Variants in WDR77 observed in about 807,000 individuals in gnomAD.
WDR77 encodes WD repeat domain 77, also known as methylosome protein WDR77.
In WDR77, 31 loss-of-function variants were observed where a neutral mutation model predicts 44.0. That is an observed-to-expected ratio of 0.70 (90% CI 0.53 to 0.95). WDR77 has a LOEUF of 0.95. Ranked by LOEUF, WDR77 falls within the 40% of genes least tolerant of loss-of-function variation. The probability of loss-of-function intolerance (pLI) is 0.00; values close to 1 mark genes in which losing one functional copy is unlikely to be tolerated. For synonymous variants in WDR77, 186 were observed against 165.7 expected (o/e 1.12, Z -0.94); for missense variants, 390 against 423.9 (o/e 0.92, Z 0.70).
In WDR77 at chr1:111,449,216, G is replaced by A. The variant is rs2101751319; in HGVS notation, c.-47C>T. ...CTAGACTCAAACTGGACGCCGGCCGGAGACTCCGCTCCGGCAGCAAACCCC... is the reference window on the plus strand; with the variant it reads ...CTAGACTCAAACTGGACGCCGGCCGAAGACTCCGCTCCGGCAGCAAACCCC... On this transcript the variant is annotated 5_prime_UTR_variant, in exon 1 of 10. Transcript: ENST00000235090. The A allele has an allele frequency of 6.5e-7, 1 of 1,538,054 alleles. No homozygotes were observed. The highest frequency in any genetic ancestry group is 1.4e-5 in the African/African-American group (1 of 73,308).
At position 111,449,119 on chromosome 1, in the gene WDR77, C is replaced by T; in HGVS notation, c.51G>A (p.Trp17Ter). The T allele has an allele frequency of 6.2e-7, 1 of 1,603,174 alleles. No homozygotes were observed. The highest frequency in any genetic ancestry group is 1.3e-5 in the African/African-American group (1 of 74,916). ...PPLVPPAARE[W>*]NLPPNAPACM... ...AGGCGGGCGCATTTGGGGGAAGATTCCACTCCCGGGCCGCCGGGGGCACTA... is the reference window on the plus strand; with the variant it reads ...AGGCGGGCGCATTTGGGGGAAGATTTCACTCCCGGGCCGCCGGGGGCACTA... The change falls in exon 1 of 10, where the codon TGG becomes TGA. Residue 17 changes from tryptophan (W) to a stop codon, truncating the protein, a stop_gained. Coordinates refer to ENST00000235090, the MANE Select transcript of WDR77 (RefSeq NM_024102.4). LOFTEE classifies it high-confidence loss of function.
chr1:111,443,825 G>C, intron 6 of WDR77, 42 bp downstream of exon 6: 1 of 1,613,426 alleles, frequency 6.2e-7, no homozygotes, highest in South Asian at 1.1e-5. Flanking sequence ...CTTCTATCAG[G>C]GTTCCAAGTA....
At chr1:111,441,538 G>GT (rs1408527732) in intron 9 of WDR77, 149 bp from the exon 10 acceptor site, 1 of 1,316,912 alleles carries the variant, frequency 7.6e-7, no homozygotes, top group Non-Finnish European at 9.7e-7. Flanking sequence ...GGATAGCAGT[G>GT]TAGCTATCCA....
Position 111,441,318 on chromosome 1 carries a change from G to GT in WDR77, c.940dup (p.Thr314AsnfsTer29). The GT allele has an allele frequency of 6.3e-7, 1 of 1,587,244 alleles. No individual in the cohort carries two copies. The highest frequency in any genetic ancestry group is 8.6e-7 in the Non-Finnish European group (1 of 1,164,590). ...GACCTGATGGTCCCAGCCCACTGTGGTAAGCAGGGAGTGATTGAGCGGGGA... is the reference window on the plus strand; with the variant it reads ...GACCTGATGGTCCCAGCCCACTGTGGTTAAGCAGGGAGTGATTGAGCGGGGA... On this transcript the variant is annotated frameshift_variant, in exon 10 of 10. Coordinates refer to ENST00000235090, the MANE Select transcript of WDR77 (RefSeq NM_024102.4). LOFTEE classifies it high-confidence loss of function.
At chr1:111,448,517 G>T in intron 2 of WDR77, 102 bp downstream of exon 2, 1 of 1,411,174 alleles carries the variant, frequency 7.1e-7, no homozygotes, top group Admixed American at 1.8e-5. Context: ...TCCAAGCACT[G>T]AGTATAGGAC....
intron 4 of WDR77, 58 bp downstream of exon 4, chr1:111,447,037 T>C (rs1653067088): frequency 6.3e-7 from 1 of 1,591,918 alleles, no homozygotes; most frequent in Non-Finnish European, 8.6e-7. Flanking sequence ...AAAGCAAAGT[T>C]CAAAAAGTCC....
rs1219721766 is a variant in WDR77, at chr1:111,449,252, C to T, written c.-83G>A. 1.3e-6 allele frequency: 2 copies of T among 1,536,322 alleles called. No homozygotes were observed. Among genetic ancestry groups the T allele is most frequent in the Non-Finnish European group, 1.7e-6 (2 of 1,146,994 alleles). Reference sequence around the variant, plus strand: ...CCGGCAGCAAACCCCACGTGGTGCACCTCTGAGCCTCCGCCCCTCTCCCGA... The same window carrying T: ...CCGGCAGCAAACCCCACGTGGTGCATCTCTGAGCCTCCGCCCCTCTCCCGA... On this transcript the variant is annotated 5_prime_UTR_variant, in exon 1 of 10. The change creates a new upstream start codon in the 5' untranslated region. Coordinates refer to ENST00000235090, the MANE Select transcript of WDR77 (RefSeq NM_024102.4).
intron 6 of WDR77, 164 bp from the exon 7 acceptor site, chr1:111,443,558 A>G: frequency 1.2e-6 from 1 of 839,338 alleles, no homozygotes; most frequent in Non-Finnish European, 1.4e-6. Flanking sequence ...TTATCCCAGC[A>G]GCCTCCTGCC....
At position 111,449,186 on chromosome 1, in the gene WDR77, C is replaced by A; in HGVS notation, c.-17G>T. The A allele has an allele frequency of 1.9e-6, 3 of 1,561,252 alleles. No homozygotes were observed. The highest frequency in any genetic ancestry group is 1.7e-6 in the Non-Finnish European group (2 of 1,159,956). On this transcript the variant is annotated 5_prime_UTR_variant, in exon 1 of 10. Transcript: ENST00000235090. ...CTTCCGCATCTCCACGGTTCCAACT[C>A]CAACCTAGACTCAAACTGGACGCCG...
rs989537811 is a variant in WDR77, at chr1:111,444,059, T to G, written c.559A>C (p.Ser187Arg). 1 of 1,614,004 alleles carries G rather than the reference T, an allele frequency of 6.2e-7. No homozygotes were observed. Among genetic ancestry groups the G allele is most frequent in the Admixed American group, 1.7e-5 (1 of 59,990 alleles). ...PHKDSVFLSC[S>R]EDNRILLWDT... ...AAGAAGGAGCTATCTCTTACCTCGC[T>G]GCATGAAAGAAACACAGAGTCCTTG... The change falls in exon 5 of 10, where the codon AGC (serine) becomes CGC (arginine). Residue 187 changes from serine to arginine, a missense_variant. Coordinates refer to ENST00000235090, the MANE Select transcript of WDR77 (RefSeq NM_024102.4).
rs1557790644 is a variant in WDR77, at chr1:111,440,374, T to C, written c.*856A>G. ...AAGTCTATAAATACTGCATTCAGAC[T>C]TTCCACATCAAGAGAAAGGGGACCA... On this transcript the variant is annotated 3_prime_UTR_variant, in exon 10 of 10. Transcript: ENST00000235090. 6.6e-6 allele frequency: 1 copy of C among 152,226 alleles called. No individual in the cohort carries two copies. Among genetic ancestry groups the C allele is most frequent in the African/African-American group, 2.4e-5 (1 of 41,462 alleles). The allele number at this position is 152,226 out of a possible 1,614,324, so 9.4% of individuals were successfully genotyped here. A position where few individuals can be genotyped will look rare whatever the true frequency, so the allele number is the denominator to read the frequency against.
intron 4 of WDR77, among the ~76,000 whole-genome samples, chr1:111,444,514 T>C (rs1369493879): frequency 6.6e-6 from 1 of 152,148 alleles, no homozygotes; most frequent in Non-Finnish European, 1.5e-5. Flanking sequence ...GCGCTAATAG[T>C]ATTAAGAGAG....
In WDR77 at chr1:111,446,890, T is replaced by G. The variant is rs1239777123; in HGVS notation, c.493+205A>C. 6 of 579,218 alleles carry G rather than the reference T, an allele frequency of 1.0e-5. No homozygotes were observed. In the East Asian group the frequency reaches 1.7e-4, roughly 17 times the overall value. The allele number at this position is 579,218 out of a possible 1,614,324, so 35.9% of individuals were successfully genotyped here. On this transcript the variant is annotated intron_variant, in intron 4 of 9. Coordinates refer to ENST00000235090, the MANE Select transcript of WDR77 (RefSeq NM_024102.4). ...CTATTCTTTCCTCCCTTTTCACTAC[T>G]GCACTTGACTAGTCGAATTAAAAAA...
In WDR77 at chr1:111,440,913, T is replaced by G; in HGVS notation, c.*317A>C. The G allele has an allele frequency of 1.1e-5, 2 of 182,112 alleles. No individual in the cohort carries two copies. Among genetic ancestry groups the G allele is most frequent in the African/African-American group, 2.3e-5 (1 of 42,592 alleles). The allele number at this position is 182,112 out of a possible 1,614,324, so 11.3% of individuals were successfully genotyped here. Reference sequence around the variant, plus strand: ...TACATAAAACCCTTTCGTCAACTTGTTTTGGGGGGTGAGAGAGAGGCAGTG... The same window carrying G: ...TACATAAAACCCTTTCGTCAACTTGGTTTGGGGGGTGAGAGAGAGGCAGTG... On this transcript the variant is annotated 3_prime_UTR_variant, in exon 10 of 10. Coordinates refer to ENST00000235090, the MANE Select transcript of WDR77 (RefSeq NM_024102.4).
chr1:111,448,438 T>C (rs150744509), intron 2 of WDR77, among the ~76,000 whole-genome samples, 181 bp downstream of exon 2: 2 of 152,280 alleles, frequency 1.3e-5, no homozygotes, highest in African/African-American at 4.8e-5. Context: ...CCAGACAATT[T>C]AGAATTTTAG....
chr1:111,441,257 G>A lies in WDR77; in HGVS notation c.1002C>T (p.Ala334=). The A allele has an allele frequency of 6.4e-7, 1 of 1,573,410 alleles. No homozygotes were observed. The highest frequency in any genetic ancestry group is 1.4e-5 in the African/African-American group (1 of 73,142). ...HHVVPTEPLP[A]PGPASVTE ...ACTCAGTAACACTTGCAGGTCCAGG[G>A]GCTGGGAGAGGTTCTGTGGGCACAA... is the stretch of plus-strand genomic sequence containing the variant. Residue 334 remains alanine (A), a synonymous_variant, in exon 10 of 10, where the codon GCC becomes GCT. Coordinates refer to ENST00000235090, the MANE Select transcript of WDR77 (RefSeq NM_024102.4).
chr1:111,441,753 C>A, intron 9 of WDR77: 1 of 632,948 alleles, frequency 1.6e-6, no homozygotes. Flanking sequence ...GGGTAGACTG[C>A]CGCCCCCTTG....
In WDR77 at chr1:111,449,241, C is replaced by T; in HGVS notation, c.-72G>A. ...GAGACTCCGCTCCGGCAGCAAACCC[C>T]ACGTGGTGCACCTCTGAGCCTCCGC... On this transcript the variant is annotated 5_prime_UTR_variant, in exon 1 of 10. Coordinates refer to ENST00000235090, the MANE Select transcript of WDR77 (RefSeq NM_024102.4). 1 of 1,535,828 alleles carries T rather than the reference C, an allele frequency of 6.5e-7. No homozygotes were observed. The highest frequency in any genetic ancestry group is 1.2e-5 in the South Asian group (1 of 84,074).
chr1:111,448,926 G>A, intron 1 of WDR77, 122 bp from the exon 2 acceptor site: 1 of 1,532,496 alleles, frequency 6.5e-7, no homozygotes, highest in Non-Finnish European at 8.7e-7. Flanking sequence ...CAGGGCTGGG[G>A]ACAGCTCGGT....
Sources: allele counts gnomAD v4.1 joint callset (sites outside exome capture counted in the v4.1 genomes callset), GRCh38; gene constraint gnomAD v4.1.1; transcripts MANE v1.5; gene names NCBI Gene and HGNC (gene_info 2026-07-23, HGNC 2026-07-21).